SSPN: variants seen among roughly 807,000 people sequenced by gnomAD.
SSPN encodes sarcospan.
A neutral mutation model predicts 19.1 loss-of-function variants in SSPN; 15 were observed. The observed-to-expected ratio is 0.78, with a 90% confidence interval of 0.52 to 1.21. The LOEUF is 1.21. SSPN is among the 50% of genes most tolerant of loss of function. SSPN has a pLI of 0.00. For synonymous variants in SSPN, 147 were observed against 140.3 expected, an observed-to-expected ratio of 1.05 and a Z score of -0.34; for missense variants, 291 against 314.0, an observed-to-expected ratio of 0.93 and a Z score of 0.55.
Position 26,124,406 on chromosome 12 carries a change from T to G in SSPN, c.-31+2254T>G, listed in dbSNP as rs188749909. ...CCAGCAAGCCACTTAAAATTCACAG[T>G]TGGGGAAGCTCAGGGGCTGGAATAT... On this transcript the variant is annotated intron_variant, in intron 1 of 2. Coordinates refer to the SSPN transcript ENST00000538142. The G allele has an allele frequency of 1.2e-3, 1,511 of 1,209,112 alleles. 7 individuals are homozygous for G. Among genetic ancestry groups the G allele is most frequent in the Admixed American group, 2.4e-3 (137 of 58,228 alleles). 74.9% of individuals were successfully genotyped at this position (1,209,112 alleles called of 1,614,324 possible).
In SSPN at chr12:26,232,059, C is replaced by T. The variant is rs746840457; in HGVS notation, c.*983C>T. 7.1e-6 allele frequency: 7 copies of T among 985,184 alleles called. No homozygotes were observed. The highest frequency in any genetic ancestry group is 1.7e-5 in the African/African-American group (1 of 57,208). The allele number at this position is 985,184 out of a possible 1,614,324, so 61.0% of individuals were successfully genotyped here. A position where few individuals can be genotyped will look rare whatever the true frequency, so the allele number is the denominator to read the frequency against. ...TTAAAAACACCCATTTAAACAAAAA[C>T]AAGAGCATTTGTAATAGGAAGTGTT... On this transcript the variant is annotated 3_prime_UTR_variant, in exon 3 of 3. Transcript: ENST00000242729.
intron 1 of SSPN, among the ~76,000 whole-genome samples, chr12:26,131,152 T>G (rs1225347189): frequency 6.6e-6 from 1 of 152,214 alleles, no homozygotes; most frequent in African/African-American, 2.4e-5. Context: ...GTTGGCAGCA[T>G]CATTTTATTG....
At chr12:26,230,100 T>C (rs1367187438) in intron 2 of SSPN, among the ~76,000 whole-genome samples, 2 of 151,930 alleles carry the variant, frequency 1.3e-5, no homozygotes, top group Non-Finnish European at 2.9e-5. Context: ...TCACAGGCGA[T>C]GAAGCTGACG....
chr12:26,161,860 T>A (rs1296883124), intron 1 of SSPN, among the ~76,000 whole-genome samples: 1 of 152,186 alleles, frequency 6.6e-6, no homozygotes, highest in African/African-American at 2.4e-5. Flanking sequence ...CCTATGAGAA[T>A]CTAATGCCAC....
At chr12:26,161,985 G>T (rs535852639) in intron 1 of SSPN, among the ~76,000 whole-genome samples, 1 of 152,180 alleles carries the variant, frequency 6.6e-6, no homozygotes. Flanking sequence ...TCCGTGGCCC[G>T]GGGGTTGGGG....
intron 1 of SSPN, among the ~76,000 whole-genome samples, chr12:26,174,722 T>C (rs1191961427): frequency 6.6e-6 from 1 of 152,136 alleles, no homozygotes; most frequent in African/African-American, 2.4e-5. Flanking sequence ...GGTTTCACCA[T>C]GTTGGCCAGG....
intron 1 of SSPN, among the ~76,000 whole-genome samples, chr12:26,216,650 A>G (rs1945053932): frequency 1.1e-5 from 1 of 90,164 alleles, no homozygotes; most frequent in African/African-American, 4.4e-5. Context: ...GTCCTTGCCC[A>G]TGCCTATGTC....
intron 1 of SSPN, among the ~76,000 whole-genome samples, chr12:26,213,736 A>G (rs989293297): frequency 4.0e-5 from 6 of 151,824 alleles, no homozygotes; most frequent in Admixed American, 6.6e-5. Context: ...CACTTTAAGG[A>G]TTTATTATTT....
At position 26,170,222 on chromosome 12, in the gene SSPN, T is replaced by A. The variant is rs575059238; in HGVS notation, c.-31+48070T>A. Among the ~76,000 whole-genome samples, 3 of 152,358 alleles carry A rather than the reference T, an allele frequency of 2.0e-5. No homozygotes were observed. In the South Asian group the frequency reaches 6.2e-4, roughly 32 times the overall value. On this transcript the variant is annotated intron_variant, in intron 1 of 2. Transcript: ENST00000538142. ...AAAAACCTGCATTTATTTGTACACCTAAGTGTATACAATGTGAGTGAATAT... is the reference window on the plus strand; with the variant it reads ...AAAAACCTGCATTTATTTGTACACCAAAGTGTATACAATGTGAGTGAATAT...
chr12:26,176,029 G>T (rs1315161840), intron 1 of SSPN, among the ~76,000 whole-genome samples: 2 of 152,118 alleles, frequency 1.3e-5, no homozygotes, highest in Non-Finnish European at 2.9e-5. Context: ...TAGAGACGGG[G>T]TTTCACCATG....
intron 1 of SSPN, among the ~76,000 whole-genome samples, chr12:26,151,244 A>C (rs904152687): frequency 4.6e-5 from 7 of 152,202 alleles, no homozygotes; most frequent in Non-Finnish European, 7.3e-5. Flanking sequence ...CTTTTGTTAA[A>C]ATACCCAGGC....
At position 26,195,645 on chromosome 12, in the gene SSPN, C is replaced by T. The variant is rs766660962; in HGVS notation, c.-28C>T. 2 of 210,488 alleles carry T rather than the reference C, an allele frequency of 9.5e-6. No homozygotes were observed. Among genetic ancestry groups the T allele is most frequent in the South Asian group, 1.4e-4 (1 of 6,984 alleles). The allele number at this position is 210,488 out of a possible 1,614,324, so 13.0% of individuals were successfully genotyped here. ...AGGGCCCAGGGCGCCGCACACGCAC[C>T]CACCCACCCACCCAGCCTCGCAGCG... is the stretch of plus-strand genomic sequence containing the variant. On this transcript the variant is annotated 5_prime_UTR_variant, in exon 1 of 3. Coordinates refer to ENST00000242729, the MANE Select transcript of SSPN (RefSeq NM_005086.5).
intron 1 of SSPN, chr12:26,180,176 T>A (rs1338768317): frequency 1.3e-5 from 2 of 152,104 alleles, no homozygotes; most frequent in African/African-American, 4.8e-5. Context: ...CATCTCTACT[T>A]CTTCTCCTGG....
At chr12:26,201,046 T>TATATATAAAA (rs59727119) in intron 1 of SSPN, among the ~76,000 whole-genome samples, 1 of 77,212 alleles carries the variant, frequency 1.3e-5, no homozygotes, top group African/African-American at 5.3e-5. Flanking sequence ...TATATATATA[T>TATATATAAAA]TATATATATA....
chr12:26,221,621 A>AT (rs1329569266), intron 1 of SSPN, among the ~76,000 whole-genome samples: 1 of 152,190 alleles, frequency 6.6e-6, no homozygotes, highest in East Asian at 1.9e-4. Flanking sequence ...GAAATTAGAA[A>AT]TTTTGTTCAA....
chr12:26,213,761 A>G (rs1251725643), intron 1 of SSPN, among the ~76,000 whole-genome samples: 2 of 152,094 alleles, frequency 1.3e-5, no homozygotes, highest in African/African-American at 4.8e-5. Flanking sequence ...TTTACTAATC[A>G]CTGTATGTCA....
chr12:26,135,076 T>C (rs1189447224), intron 1 of SSPN: 1 of 152,240 alleles, frequency 6.6e-6, no homozygotes, highest in African/African-American at 2.4e-5. Flanking sequence ...CCTTTCGCAG[T>C]GTGCATTAGC....
At chr12:26,122,095 G>A (rs1944310990) in exon 1 of SSPN, 2 of 1,549,804 alleles carry the variant, frequency 1.3e-6, no homozygotes, top group Non-Finnish European at 1.7e-6. Context: ...GGCTGCGAGG[G>A]ATCTTCCTGA....
chr12:26,175,439 G>A (rs1212595323), intron 1 of SSPN, among the ~76,000 whole-genome samples: 1 of 152,086 alleles, frequency 6.6e-6, no homozygotes, highest in South Asian at 2.1e-4. Context: ...CTGGATACAA[G>A]TTCTTTATCA....
Sources: allele counts gnomAD v4.1 joint callset (sites outside exome capture counted in the v4.1 genomes callset), GRCh38; gene constraint gnomAD v4.1.1; transcripts MANE v1.5; gene names NCBI Gene and HGNC (gene_info 2026-07-23, HGNC 2026-07-21).